RBFOX1: variants seen among roughly 807,000 people sequenced by gnomAD.
RBFOX1 encodes RNA binding protein fox-1 homolog 1.
In RBFOX1, 8 loss-of-function variants were observed where a neutral mutation model predicts 57.7. The observed-to-expected ratio is 0.14, with a 90% confidence interval of 0.08 to 0.25. RBFOX1 has a LOEUF of 0.25. RBFOX1 is among the 10% of genes least tolerant of loss of function. The pLI is 1.00. For synonymous variants in RBFOX1, 326 were observed against 222.4 expected (o/e 1.47, Z -4.15); for missense variants, 611 against 548.5 (o/e 1.11, Z -1.14).
At chr16:6,877,938 G>A (rs1161418980) in intron 3 of RBFOX1, among the ~76,000 whole-genome samples, 2 of 152,118 alleles carry the variant, frequency 1.3e-5, no homozygotes, top group South Asian at 4.1e-4. Context: ...CATACACAGA[G>A]TCTTGGATTA....
chr16:6,235,891 A>C lies in RBFOX1; in HGVS notation c.-126-81104A>C, dbSNP rs139389387. 9.1e-3 allele frequency among the ~76,000 whole-genome samples: 1,385 copies of C among 152,254 alleles called. 17 individuals are homozygous for C. Among genetic ancestry groups the C allele is most frequent in the African/African-American group, 0.029 (1,220 of 41,526 alleles). The stretch of plus-strand genomic sequence containing the variant: ...AGAAAGGGGTGAGGGATAAAATACT[A>C]CAAATTGGGTGCAGTGTATACTGCT... On this transcript the variant is annotated intron_variant, in intron 1 of 15. Coordinates refer to ENST00000550418, the MANE Select transcript of RBFOX1 (RefSeq NM_018723.4).
chr16:5,803,575 C>T lies in RBFOX1; in HGVS notation c.319-63728C>T, dbSNP rs546024630. On this transcript the variant is annotated intron_variant, in intron 3 of 19. Coordinates refer to the RBFOX1 transcript ENST00000641259. ...ATATGTATGGTGCCTGTCATTCATT[C>T]TCTCACTCCACAAAGCACACTTTGT... 1.3e-5 allele frequency among the ~76,000 whole-genome samples: 2 copies of T among 152,182 alleles called. 1 individual carries two copies. The highest frequency in any genetic ancestry group is 4.1e-4 in the South Asian group (2 of 4,828).
At chr16:5,991,299 C>T (rs181732585) in intron 4 of RBFOX1, among the ~76,000 whole-genome samples, 1 of 152,292 alleles carries the variant, frequency 6.6e-6, no homozygotes, top group African/African-American at 2.4e-5. Context: ...TTTTAATATA[C>T]GTCTCCCAGG....
intron 3 of RBFOX1, among the ~76,000 whole-genome samples, chr16:7,015,403 G>C (rs761821025): frequency 1.3e-5 from 2 of 152,160 alleles, no homozygotes; most frequent in East Asian, 3.9e-4. Flanking sequence ...AGAAACTTGA[G>C]CCGTATTATA....
chr16:7,142,294 G>A (rs980731666), intron 4 of RBFOX1, among the ~76,000 whole-genome samples: 1 of 152,134 alleles, frequency 6.6e-6, no homozygotes, highest in African/African-American at 2.4e-5. Flanking sequence ...AAAGTGGCGG[G>A]ATTATGGACA....
intron 1 of RBFOX1, among the ~76,000 whole-genome samples, chr16:6,116,390 A>C (rs908157590): frequency 1.3e-5 from 2 of 152,206 alleles, no homozygotes; most frequent in African/African-American, 4.8e-5. Flanking sequence ...CACATTCTGC[A>C]CATGTATCCC....
chr16:6,811,739 A>G (rs1055170846), intron 3 of RBFOX1, among the ~76,000 whole-genome samples: 19 of 152,108 alleles, frequency 1.2e-4, no homozygotes, highest in African/African-American at 4.3e-4. Context: ...AAATACAGAA[A>G]TTAGCTGGGC....
intron 4 of RBFOX1, among the ~76,000 whole-genome samples, chr16:7,225,458 C>G (rs1226428602): frequency 6.6e-6 from 1 of 152,070 alleles, no homozygotes; most frequent in Non-Finnish European, 1.5e-5. Flanking sequence ...TCACCTTCCA[C>G]CATGATTGTG....
chr16:5,736,668 G>A (rs1257473802), intron 3 of RBFOX1, among the ~76,000 whole-genome samples: 4 of 152,014 alleles, frequency 2.6e-5, no homozygotes, highest in Non-Finnish European at 4.4e-5. Context: ...ATTTTCCTGT[G>A]CTGGTGTCTC....
intron 1 of RBFOX1, among the ~76,000 whole-genome samples, chr16:5,412,072 C>T (rs2067036514): frequency 1.3e-5 from 2 of 152,048 alleles, no homozygotes; most frequent in Non-Finnish European, 1.5e-5. Context: ...AATGTCTTGC[C>T]CTCCTGAAGG....
At chr16:6,503,062 G>C (rs886918828) in intron 2 of RBFOX1, among the ~76,000 whole-genome samples, 1 of 152,148 alleles carries the variant, frequency 6.6e-6, no homozygotes, top group Admixed American at 6.5e-5. Flanking sequence ...TAAAGATTTA[G>C]ACATATGGAT....
chr16:5,593,113 T>G (rs1346996007), intron 2 of RBFOX1, among the ~76,000 whole-genome samples: 2 of 151,968 alleles, frequency 1.3e-5, no homozygotes, highest in African/African-American at 4.8e-5. Flanking sequence ...AATGATAGAC[T>G]GGAGAAAGAA....
chr16:7,469,225 A>G (rs998718279), intron 4 of RBFOX1, among the ~76,000 whole-genome samples: 1 of 107,410 alleles, frequency 9.3e-6, no homozygotes, highest in Non-Finnish European at 2.0e-5. Context: ...TGAGCCACCT[A>G]ATTTTTTTTT....
At chr16:7,047,310 G>A (rs1307083559) in intron 3 of RBFOX1, among the ~76,000 whole-genome samples, 3 of 152,144 alleles carry the variant, frequency 2.0e-5, no homozygotes, top group African/African-American at 4.8e-5. Flanking sequence ...TTCATTGGAT[G>A]TAGTATTCTC....
chr16:5,736,620 CTTAA>C (rs1315317213), intron 3 of RBFOX1, among the ~76,000 whole-genome samples: 2 of 151,998 alleles, frequency 1.3e-5, no homozygotes, highest in South Asian at 2.1e-4. Flanking sequence ...TTAAATTTTT[CTTAA>C]TTTATTTTTT....
chr16:6,909,125 G>T (rs921858219), intron 3 of RBFOX1, among the ~76,000 whole-genome samples: 3 of 152,142 alleles, frequency 2.0e-5, no homozygotes, highest in Non-Finnish European at 4.4e-5. Flanking sequence ...TCCAAAATGG[G>T]TCTTGCTGGA....
intron 4 of RBFOX1, among the ~76,000 whole-genome samples, chr16:5,873,614 G>T (rs1442110838): frequency 2.0e-5 from 3 of 152,200 alleles, no homozygotes; most frequent in Non-Finnish European, 4.4e-5. Flanking sequence ...CTGGGAATAC[G>T]TGTACAAAGT....
chr16:6,793,238 A>T (rs539269090), intron 3 of RBFOX1, among the ~76,000 whole-genome samples: 1 of 152,198 alleles, frequency 6.6e-6, no homozygotes, highest in Non-Finnish European at 1.5e-5. Flanking sequence ...TTTTAAGAAC[A>T]TTCCAGTAGA....
chr16:7,304,269 G>T, intron 4 of RBFOX1: 2 of 984,398 alleles, frequency 2.0e-6, no homozygotes, highest in African/African-American at 1.8e-5. Context: ...ACCGGTCATT[G>T]ACTTAGATAA....
Sources: allele counts gnomAD v4.1 joint callset (sites outside exome capture counted in the v4.1 genomes callset), GRCh38; gene constraint gnomAD v4.1.1; transcripts MANE v1.5; gene names NCBI Gene and HGNC (gene_info 2026-07-23, HGNC 2026-07-21).